CNTNAP2: variants seen among roughly 807,000 people sequenced by gnomAD.
CNTNAP2 encodes the protein contactin associated protein 2.
CNTNAP2 carries 98 observed loss-of-function variants against 155.2 expected under a neutral mutation model. The ratio of observed to expected loss-of-function variants is 0.63; its 90% confidence interval spans 0.54 to 0.75. CNTNAP2 has a LOEUF of 0.75. Ranked by LOEUF, CNTNAP2 falls within the 30% of genes least tolerant of loss-of-function variation. The pLI is 0.00. For missense variants in CNTNAP2, 1,727 were observed against 1,688.1 expected (o/e 1.02, Z -0.40); for synonymous variants, 651 against 631.2 (o/e 1.03, Z -0.47).
At chr7:148,404,842 C>T (rs1339090697) in intron 22 of CNTNAP2, among the ~76,000 whole-genome samples, 1 of 152,146 alleles carries the variant, frequency 6.6e-6, no homozygotes, top group Non-Finnish European at 1.5e-5. Context: ...CTTCAGTCAT[C>T]CTCAGCGAAA....
At chr7:147,315,357 A>G (rs1795206246) in intron 9 of CNTNAP2, among the ~76,000 whole-genome samples, 1 of 150,906 alleles carries the variant, frequency 6.6e-6, no homozygotes, top group African/African-American at 2.4e-5. Context: ...TCATGACCCC[A>G]AATAGAACCC....
At chr7:147,234,411 C>T (rs923143208) in intron 8 of CNTNAP2, among the ~76,000 whole-genome samples, 4 of 145,652 alleles carry the variant, frequency 2.7e-5, no homozygotes, top group Non-Finnish European at 5.9e-5. Flanking sequence ...GATCTCGGCT[C>T]ACTGCAAGCT....
intron 1 of CNTNAP2, among the ~76,000 whole-genome samples, chr7:146,571,403 T>C (rs1319256927): frequency 6.6e-6 from 1 of 152,156 alleles, no homozygotes; most frequent in African/African-American, 2.4e-5. Flanking sequence ...GAAAATATTT[T>C]TATCAGAGGT....
chr7:146,577,543 T>C (rs1584990034), intron 1 of CNTNAP2, among the ~76,000 whole-genome samples: 1 of 152,212 alleles, frequency 6.6e-6, no homozygotes, highest in East Asian at 1.9e-4. Flanking sequence ...TTTTGTTTCG[T>C]GATTAATTTT....
At chr7:147,623,325 T>C (rs960855156) in intron 12 of CNTNAP2, among the ~76,000 whole-genome samples, 1 of 152,078 alleles carries the variant, frequency 6.6e-6, no homozygotes. Context: ...TATCCTTGTT[T>C]GCAGATGATA....
intron 21 of CNTNAP2, among the ~76,000 whole-genome samples, chr7:148,341,000 G>T (rs771472774): frequency 1.3e-5 from 2 of 152,162 alleles, no homozygotes; most frequent in African/African-American, 4.8e-5. Context: ...TCTTCTGAAC[G>T]GGTCTGCAAG....
chr7:146,464,187 G>GTTTTTTTTTTTTTTTTT (rs369508603), intron 1 of CNTNAP2, among the ~76,000 whole-genome samples: 32 of 91,538 alleles, frequency 3.5e-4, no homozygotes, highest in African/African-American at 1.2e-3. Flanking sequence ...CTTTGAAACT[G>GTTTTTTTTTTTTTTTTT]TTTTTTTTTT....
intron 13 of CNTNAP2, among the ~76,000 whole-genome samples, chr7:147,680,772 C>A (rs1054987135): frequency 6.6e-6 from 1 of 151,584 alleles, no homozygotes; most frequent in Admixed American, 6.6e-5. Context: ...GTCTCCCTCT[C>A]TATATATAAT....
chr7:148,094,329 G>A (rs1803914733), intron 15 of CNTNAP2, among the ~76,000 whole-genome samples: 2 of 152,204 alleles, frequency 1.3e-5, no homozygotes, highest in African/African-American at 2.4e-5. Flanking sequence ...ACAAATATTA[G>A]CTGTAATATT....
intron 15 of CNTNAP2, among the ~76,000 whole-genome samples, chr7:148,058,706 A>G (rs1803070546): frequency 6.6e-6 from 1 of 152,202 alleles, no homozygotes; most frequent in Non-Finnish European, 1.5e-5. Flanking sequence ...TGGTGCAGAT[A>G]TGAGCCAAAT....
At chr7:148,374,136 T>C (rs1236748319) in intron 21 of CNTNAP2, among the ~76,000 whole-genome samples, 2 of 152,128 alleles carry the variant, frequency 1.3e-5, no homozygotes, top group African/African-American at 4.8e-5. Flanking sequence ...TCGCTTTCAA[T>C]CCCTACCTCA....
chr7:148,147,175 A>G (rs1399640280), intron 16 of CNTNAP2, among the ~76,000 whole-genome samples: 1 of 152,214 alleles, frequency 6.6e-6, no homozygotes, highest in African/African-American at 2.4e-5. Context: ...AAGACACTCA[A>G]CATGCGCTAA....
At chr7:147,630,155 A>T (rs1795058394) in intron 12 of CNTNAP2, among the ~76,000 whole-genome samples, 2 of 151,976 alleles carry the variant, frequency 1.3e-5, no homozygotes, top group African/African-American at 4.8e-5. Flanking sequence ...AATACCACAG[A>T]AATACAAAAG....
At chr7:148,349,537 G>A (rs183735089) in intron 21 of CNTNAP2, among the ~76,000 whole-genome samples, 1 of 151,864 alleles carries the variant, frequency 6.6e-6, no homozygotes, top group East Asian at 1.9e-4. Context: ...GAGTAGCTGG[G>A]ACTACAGGCA....
chr7:146,940,678 G>T (rs1797034771), intron 3 of CNTNAP2, among the ~76,000 whole-genome samples: 1 of 144,534 alleles, frequency 6.9e-6, no homozygotes, highest in Non-Finnish European at 1.5e-5. Flanking sequence ...ACACATTAGT[G>T]TAGTAAATAT....
At chr7:146,659,648 ATTAG>A (rs1415202932) in intron 1 of CNTNAP2, among the ~76,000 whole-genome samples, 4 of 152,226 alleles carry the variant, frequency 2.6e-5, no homozygotes, top group East Asian at 1.9e-4. Context: ...TAAAGAGTAG[ATTAG>A]TTAATCACAA....
At chr7:146,647,666 A>T (rs1288005764) in intron 1 of CNTNAP2, among the ~76,000 whole-genome samples, 1 of 152,162 alleles carries the variant, frequency 6.6e-6, no homozygotes, top group Non-Finnish European at 1.5e-5. Context: ...AAAGAAAAAC[A>T]TAAGGTCTTA....
At chr7:146,344,192 A>T (rs931552909) in intron 1 of CNTNAP2, among the ~76,000 whole-genome samples, 1 of 152,152 alleles carries the variant, frequency 6.6e-6, no homozygotes, top group African/African-American at 2.4e-5. Context: ...TCAGGTTACC[A>T]TATCACCAAA....
intron 13 of CNTNAP2, among the ~76,000 whole-genome samples, chr7:147,815,954 T>C (rs10282538): frequency 0.031 from 4,764 of 152,274 alleles, 241 homozygotes; most frequent in African/African-American, 0.11. Context: ...ACCCCAGATA[T>C]CCTTTCCTTG....
Sources: gnomAD v4.1 joint callset for allele counts (sites outside exome capture counted in the v4.1 genomes callset) on GRCh38, gnomAD v4.1.1 for gene constraint, MANE v1.5 for transcripts, NCBI Gene and HGNC (gene_info 2026-07-23, HGNC 2026-07-21) for gene names.